SETD3: variants seen among roughly 807,000 people sequenced by gnomAD.
SETD3 encodes SET domain containing 3, actin N3(tau)-histidine methyltransferase, also known as actin-histidine N-methyltransferase.
SETD3 carries 19 observed loss-of-function variants against 63.0 expected under a neutral mutation model. That is an observed-to-expected ratio of 0.30 (90% CI 0.21 to 0.44). The LOEUF (loss-of-function observed/expected upper bound fraction) is 0.44. Among genes scored for constraint, SETD3 ranks in the 20% least tolerant of loss-of-function variants. The probability of loss-of-function intolerance (pLI) is 1.00; values close to 1 mark genes in which losing one functional copy is unlikely to be tolerated. For missense variants in SETD3, 587 were observed against 728.5 expected, an observed-to-expected ratio of 0.81 and a Z score of 2.24; for synonymous variants, 286 against 264.1, an observed-to-expected ratio of 1.08 and a Z score of -0.80.
intron 6 of SETD3, among the ~76,000 whole-genome samples, chr14:99,453,041 C>G (rs1894551422): frequency 6.6e-6 from 1 of 152,124 alleles, no homozygotes; most frequent in Admixed American, 6.5e-5. Context: ...GGTTAACAGC[C>G]TCAATGCCGA....
In SETD3 at chr14:99,458,514, C is replaced by T. The variant is rs762238307; in HGVS notation, c.440G>A (p.Arg147Gln). ...SVLGPLYSQD[R>Q]ILQAMGNIAL... ...GATGTTTCCCATGGCTTGAAGGATT[C>T]GGTCTTGAGAATATAAGGGCCCTGA... Residue 147 changes from arginine (R) to glutamine (Q), a missense_variant, in exon 6 of 13, where the codon CGA (arginine) becomes CAA (glutamine). Coordinates refer to ENST00000331768, the MANE Select transcript of SETD3 (RefSeq NM_032233.3). 8 of 1,614,020 alleles carry T rather than the reference C, an allele frequency of 5.0e-6. No homozygotes were observed. Among genetic ancestry groups the T allele is most frequent in the Admixed American group, 1.7e-5 (1 of 60,006 alleles).
At chr14:99,467,191 T>G (rs1255334572) in intron 1 of SETD3, among the ~76,000 whole-genome samples, 1 of 152,186 alleles carries the variant, frequency 6.6e-6, no homozygotes, top group Non-Finnish European at 1.5e-5. Context: ...ATTAATATAA[T>G]AAGTCTTCTA....
chr14:99,481,405 C>T (rs890417587), upstream of SETD3: 3 of 398,554 alleles, frequency 7.5e-6, no homozygotes, highest in Non-Finnish European at 1.3e-5. Flanking sequence ...TGACGTAGGT[C>T]CCCGACATTC....
intron 6 of SETD3, among the ~76,000 whole-genome samples, chr14:99,457,844 C>T (rs887178337): frequency 2.6e-5 from 4 of 152,148 alleles, no homozygotes; most frequent in African/African-American, 7.2e-5. Flanking sequence ...ACACAGTACA[C>T]GTTGAAAAAC....
upstream of SETD3, among the ~76,000 whole-genome samples, chr14:99,481,786 G>A (rs968959579): frequency 6.6e-6 from 1 of 152,242 alleles, no homozygotes; most frequent in African/African-American, 2.4e-5. Flanking sequence ...AAAAGGGGCA[G>A]CGGTGTTAAC....
intron 6 of SETD3, among the ~76,000 whole-genome samples, chr14:99,438,661 T>C (rs1189712902): frequency 6.6e-6 from 1 of 152,214 alleles, no homozygotes; most frequent in Admixed American, 6.5e-5. Context: ...CCAGGCTAAG[T>C]AGTCTTATGG....
At chr14:99,419,636 G>A (rs942125847) in intron 6 of SETD3, among the ~76,000 whole-genome samples, 136 of 151,140 alleles carry the variant, frequency 9.0e-4, no homozygotes, top group Non-Finnish European at 1.5e-3. Context: ...TTAGCCGGGC[G>A]TAGTGGCGGG....
Position 99,404,226 on chromosome 14 carries a change from T to C in SETD3, c.1176A>G (p.Glu392=). The C allele has an allele frequency of 4.3e-6, 7 of 1,612,556 alleles. No individual in the cohort carries two copies. Among genetic ancestry groups the C allele is most frequent in the Non-Finnish European group, 4.2e-6 (5 of 1,178,790 alleles). ...LAFLRVFCMT[E]EELKEHLLGD... is the part of the protein sequence containing the mutation. Reference sequence around the variant, plus strand: ...CTCTTTTTTCCTGAAATGACTTACCTTCAGTCATACAGAATACTCGGAGAA... The same window carrying C: ...CTCTTTTTTCCTGAAATGACTTACCCTCAGTCATACAGAATACTCGGAGAA... Residue 392 remains glutamate (E), a splice_region_variant and synonymous_variant, in exon 11 of 13, where the codon GAA becomes GAG. Transcript: ENST00000331768.
chr14:99,450,171 T>C (rs1427457814), intron 6 of SETD3, among the ~76,000 whole-genome samples: 2 of 152,268 alleles, frequency 1.3e-5, no homozygotes, highest in Non-Finnish European at 2.9e-5. Context: ...CGTATGCTAC[T>C]GAGCGTCTAA....
At chr14:99,410,672 C>A (rs776294957) in intron 8 of SETD3, among the ~76,000 whole-genome samples, 1 of 152,218 alleles carries the variant, frequency 6.6e-6, no homozygotes, top group African/African-American at 2.4e-5. Context: ...ACCCTTCCTA[C>A]ATTTATTTCT....
intron 6 of SETD3, among the ~76,000 whole-genome samples, chr14:99,429,125 T>C (rs1450667424): frequency 2.0e-5 from 3 of 152,194 alleles, no homozygotes; most frequent in Non-Finnish European, 4.4e-5. Context: ...GAGTCATTTC[T>C]CACTCACTGC....
At position 99,433,347 on chromosome 14, in the gene SETD3, T is replaced by A. The variant is rs181982460; in HGVS notation, c.676-19413A>T. Among the ~76,000 whole-genome samples, 434 of 152,280 alleles carry A rather than the reference T, an allele frequency of 2.9e-3. 1 individual carries two copies. The highest frequency in any genetic ancestry group is 9.8e-3 in the African/African-American group (408 of 41,570). ...ATACACACTGGATTTCCAAAACTTA[T>A]AAAAACAGTGTAAAATATATTAATA... On this transcript the variant is annotated intron_variant, in intron 6 of 12. Coordinates refer to ENST00000331768, the MANE Select transcript of SETD3 (RefSeq NM_032233.3).
chr14:99,421,459 T>C (rs949261102), intron 6 of SETD3, among the ~76,000 whole-genome samples: 2 of 152,064 alleles, frequency 1.3e-5, no homozygotes, highest in Non-Finnish European at 2.9e-5. Flanking sequence ...ATCAGTCATT[T>C]ACAAGAGAAT....
intron 11 of SETD3, among the ~76,000 whole-genome samples, chr14:99,401,211 G>T (rs1367448357): frequency 1.3e-5 from 2 of 151,834 alleles, no homozygotes; most frequent in African/African-American, 4.8e-5. Context: ...AATTTAAATA[G>T]GAATTACAAA....
At chr14:99,453,551 G>A (rs778311673) in intron 6 of SETD3, among the ~76,000 whole-genome samples, 9 of 152,058 alleles carry the variant, frequency 5.9e-5, no homozygotes, top group East Asian at 1.9e-4. Context: ...TTGGCCAGGC[G>A]CGGTGGCTTA....
intron 1 of SETD3, among the ~76,000 whole-genome samples, chr14:99,473,919 C>A (rs1157530261): frequency 6.6e-6 from 1 of 152,190 alleles, no homozygotes; most frequent in Non-Finnish European, 1.5e-5. Context: ...ATATCAGAAA[C>A]GTGTTCTGGC....
chr14:99,441,456 C>T (rs1893806487), intron 6 of SETD3, among the ~76,000 whole-genome samples: 1 of 152,242 alleles, frequency 6.6e-6, no homozygotes, highest in African/African-American at 2.4e-5. Context: ...AAAGGCCCCA[C>T]TCTTAAAGCT....
the SETD3 span, among the ~76,000 whole-genome samples, chr14:99,486,201 T>C: frequency 6.6e-6 from 1 of 152,232 alleles, no homozygotes; most frequent in Non-Finnish European, 1.5e-5. Flanking sequence ...GGTTTAAAGC[T>C]GACATCCCAT....
chr14:99,422,892 C>T (rs936974237), intron 6 of SETD3, among the ~76,000 whole-genome samples: 3 of 152,204 alleles, frequency 2.0e-5, no homozygotes, highest in South Asian at 4.1e-4. Flanking sequence ...TGTGGAGCCC[C>T]GCGGCCCCCA....
Sources: allele counts gnomAD v4.1 joint callset (sites outside exome capture counted in the v4.1 genomes callset), GRCh38; gene constraint gnomAD v4.1.1; transcripts MANE v1.5; gene names NCBI Gene and HGNC (gene_info 2026-07-23, HGNC 2026-07-21).